The following PCDHGA3 variants were observed in gnomAD, a reference collection of about 807,000 sequenced individuals.
The protein encoded by PCDHGA3 is protocadherin gamma-A3.
PCDHGA3 carries 40 observed loss-of-function variants against 58.5 expected under a neutral mutation model. That is an observed-to-expected ratio of 0.68 (90% CI 0.53 to 0.89). The LOEUF (loss-of-function observed/expected upper bound fraction) is 0.89, where lower values mean the gene tolerates loss of function less well. PCDHGA3 is among the 40% of genes least tolerant of loss of function. The pLI, the probability that PCDHGA3 is intolerant of heterozygous loss-of-function variation, is 0.00. For missense variants in PCDHGA3, 1,223 were observed against 1,195.9 expected (o/e 1.02, Z -0.33); for synonymous variants, 530 against 525.7 (o/e 1.01, Z -0.11).
intron 1 of PCDHGA3, among the ~76,000 whole-genome samples, chr5:141,397,436 G>GT (rs1255719276): frequency 6.6e-6 from 1 of 152,172 alleles, no homozygotes; most frequent in Non-Finnish European, 1.5e-5. Flanking sequence ...TCCCTAATAT[G>GT]TGTAATATAA....
At chr5:141,376,251 G>T in intron 1 of PCDHGA3, 1 of 1,614,228 alleles carries the variant, frequency 6.2e-7, no homozygotes, top group Non-Finnish European at 8.5e-7. Context: ...CACAAGTCAC[G>T]CCTGCTGCAG....
At chr5:141,374,673 A>AC (rs753936532) in intron 1 of PCDHGA3, 1 of 1,610,972 alleles carries the variant, frequency 6.2e-7, no homozygotes, top group Admixed American at 1.7e-5. Flanking sequence ...CTGGTGCTGG[A>AC]GGGCACACTG....
intron 2 of PCDHGA3, among the ~76,000 whole-genome samples, chr5:141,501,052 A>G (rs1007055288): frequency 6.6e-6 from 1 of 151,988 alleles, no homozygotes; most frequent in Non-Finnish European, 1.5e-5. Flanking sequence ...TATTTTTAGT[A>G]GAGACGGGGT....
chr5:141,352,802 C>G, intron 1 of PCDHGA3: 1 of 903,782 alleles, frequency 1.1e-6, no homozygotes, highest in Non-Finnish European at 1.6e-6. Flanking sequence ...CCAGCATAGC[C>G]AAGATGGTAA....
intron 1 of PCDHGA3, chr5:141,388,337 A>G (rs1256150334): frequency 6.2e-7 from 1 of 1,613,990 alleles, no homozygotes; most frequent in Non-Finnish European, 8.5e-7. Context: ...CTGGCACACG[A>G]TTTATATTAG....
At chr5:141,463,847 G>T (rs922334975) in intron 1 of PCDHGA3, among the ~76,000 whole-genome samples, 9 of 152,158 alleles carry the variant, frequency 5.9e-5, no homozygotes, top group African/African-American at 2.2e-4. Context: ...TGTTATAGTG[G>T]TATATCTGGT....
At position 141,477,591 on chromosome 5, in the gene PCDHGA3, T is replaced by C; in HGVS notation, c.2425-17216T>C. On this transcript the variant is annotated intron_variant, in intron 1 of 3. Coordinates refer to ENST00000253812, the MANE Select transcript of PCDHGA3 (RefSeq NM_018916.4). This position sits in a 1 kb window ranked among gnomAD's most constrained non-coding sequence, Gnocchi z 4.9. Reference sequence around the variant, plus strand: ...CCCGACGCCCCGCAGAATGCTCGGCTTTCTTTCTTTCTCTTGGAGCAAGGA... The same window carrying C: ...CCCGACGCCCCGCAGAATGCTCGGCCTTCTTTCTTTCTCTTGGAGCAAGGA... The C allele has an allele frequency of 6.2e-7, 1 of 1,614,136 alleles. No homozygotes were observed. The highest frequency in any genetic ancestry group is 8.5e-7 in the Non-Finnish European group (1 of 1,180,016).
chr5:141,393,120 C>T lies in PCDHGA3; in HGVS notation c.2424+46663C>T, dbSNP rs142751758. The T allele has an allele frequency of 9.0e-3, 14,600 of 1,613,382 alleles. 101 individuals carry two copies. The highest frequency in any genetic ancestry group is 0.01 in the Non-Finnish European group (11,861 of 1,179,884). On this transcript the variant is annotated intron_variant, in intron 1 of 3. Transcript: ENST00000253812. ...GCTCTGCGCTCAGAGCCCGCGGTGT[C>T]TGATAAATATTAACACCCTGGTTGA...
At chr5:141,361,302 T>C (rs1486382277) in intron 1 of PCDHGA3, 1 of 1,613,928 alleles carries the variant, frequency 6.2e-7, no homozygotes, top group African/African-American at 1.3e-5. Flanking sequence ...TGTTGGGAAA[T>C]GCCAAGTTTA....
intron 1 of PCDHGA3, among the ~76,000 whole-genome samples, chr5:141,481,678 G>A (rs1033213047): frequency 6.6e-6 from 1 of 152,006 alleles, no homozygotes; most frequent in African/African-American, 2.4e-5. Flanking sequence ...ATCAGGCCGG[G>A]CCTGGTGGCT....
intron 1 of PCDHGA3, chr5:141,392,581 C>T: frequency 2.2e-6 from 1 of 463,442 alleles, no homozygotes; most frequent in Non-Finnish European, 3.8e-6. Context: ...GGACTGTAAG[C>T]GCCGCTGTTC....
rs1425295626 is a variant in PCDHGA3 at position 141,477,940 on chromosome 5, C to T, written c.2425-16867C>T. On this transcript the variant is annotated intron_variant, in intron 1 of 3. Coordinates refer to ENST00000253812, the MANE Select transcript of PCDHGA3 (RefSeq NM_018916.4). This position sits in a 1 kb window ranked among gnomAD's most constrained non-coding sequence, Gnocchi z 4.9. ...CAGGGCACAATGCCTGGCTCTCCTA[C>T]AGTCTCTTGGGATCCCCTAACCAGA... The T allele has an allele frequency of 6.2e-7, 1 of 1,614,178 alleles. No homozygotes were observed. Among genetic ancestry groups the T allele is most frequent in the South Asian group, 1.1e-5 (1 of 91,084 alleles).
At position 141,371,721 on chromosome 5, in the gene PCDHGA3, C is replaced by T. The variant is rs199558038; in HGVS notation, c.2424+25264C>T. 1,426 of 1,614,084 alleles carry T rather than the reference C, an allele frequency of 8.8e-4. 23 individuals are homozygous for T. In the South Asian group the frequency reaches 0.014, roughly 16 times the overall value. On this transcript the variant is annotated intron_variant, in intron 1 of 3. Coordinates refer to ENST00000253812, the MANE Select transcript of PCDHGA3 (RefSeq NM_018916.4). ...CAGCAAGACCATCACTCTGCACATCCTTGATGTCAACGACAACGTTCCCGT... is the reference window on the plus strand; with the variant it reads ...CAGCAAGACCATCACTCTGCACATCTTTGATGTCAACGACAACGTTCCCGT...
chr5:141,384,792 C>T lies in PCDHGA3; in HGVS notation c.2424+38335C>T, dbSNP rs374905153. ...CGGGCGAGGTGCGCACGGCTCGGGC[C>T]CTGCTGGACAGAGATGCCCTCAAGC... On this transcript the variant is annotated intron_variant, in intron 1 of 3. Transcript: ENST00000253812. The T allele has an allele frequency of 5.0e-6, 8 of 1,613,404 alleles. No homozygotes were observed. The African/African-American group carries it at 6.7e-5, about 13-fold the overall frequency.
At position 141,384,883 on chromosome 5, in the gene PCDHGA3, G is replaced by A. The variant is rs774353364; in HGVS notation, c.2424+38426G>A. ...TCTGTCAGCCACCGTCACACTCACCGTGGCTGTGGCTGACAGCATCCCCGA... is the reference window on the plus strand; with the variant it reads ...TCTGTCAGCCACCGTCACACTCACCATGGCTGTGGCTGACAGCATCCCCGA... On this transcript the variant is annotated intron_variant, in intron 1 of 3. Coordinates refer to ENST00000253812, the MANE Select transcript of PCDHGA3 (RefSeq NM_018916.4). 62 of 1,613,804 alleles carry A rather than the reference G, an allele frequency of 3.8e-5. 1 individual carries two copies. In the East Asian group the frequency reaches 1.3e-3, roughly 35 times the overall value.
Position 141,344,493 on chromosome 5 carries a change from A to G in PCDHGA3, c.460A>G (p.Ile154Val), listed in dbSNP as rs11575948. ...AACGGTTCCTGGAACCCGATTTCCA[A>G]TTAAAACTGCTTTTGACCCAGATGT... is the stretch of plus-strand genomic sequence containing the variant. ...ELTVPGTRFP[I>V]KTAFDPDVGI... Residue 154 changes from isoleucine (I) to valine (V), a missense_variant, in exon 1 of 4, where the codon ATT (isoleucine) becomes GTT (valine). Physicochemically the swap from Ile to Val is conservative, Grantham distance 29. Around this residue, in one of 3 missense-constraint regions of PCDHGA3, gnomAD observed 791 missense variants for 708.5 expected, o/e 1.12. Coordinates refer to ENST00000253812, the MANE Select transcript of PCDHGA3 (RefSeq NM_018916.4). 2.5e-6 allele frequency: 4 copies of G among 1,613,858 alleles called. No individual in the cohort carries two copies. Among genetic ancestry groups the G allele is most frequent in the South Asian group, 2.2e-5 (2 of 91,074 alleles).
chr5:141,355,094 A>C, intron 1 of PCDHGA3: 1 of 1,484,876 alleles, frequency 6.7e-7, no homozygotes, highest in South Asian at 1.4e-5. Flanking sequence ...AAGCCCTGAG[A>C]GCTCTGGCTG....
intron 1 of PCDHGA3, chr5:141,403,598 G>T: frequency 6.2e-7 from 1 of 1,613,820 alleles, no homozygotes; most frequent in Non-Finnish European, 8.5e-7. Context: ...CACGGCCTCG[G>T]ATGGCGGCGA....
chr5:141,463,125 G>A (rs2099053159), intron 1 of PCDHGA3, among the ~76,000 whole-genome samples: 3 of 152,192 alleles, frequency 2.0e-5, no homozygotes, highest in East Asian at 1.9e-4. Context: ...ATAGCTCCCT[G>A]GCAGTTCTTC....
Sources: allele counts gnomAD v4.1 joint callset (sites outside exome capture counted in the v4.1 genomes callset), GRCh38; gene constraint gnomAD v4.1.1; regional missense constraint gnomAD v4.1.1; non-coding constraint Gnocchi (gnomAD v3.1); transcripts MANE v1.5; gene names NCBI Gene and HGNC (gene_info 2026-07-23, HGNC 2026-07-21).